Variants in IL1RAPL1 observed in about 807,000 individuals in gnomAD.
The protein encoded by IL1RAPL1 is interleukin 1 receptor accessory protein like 1.
IL1RAPL1 carries 3 observed loss-of-function variants against 48.4 expected under a neutral mutation model. The observed-to-expected ratio is 0.06, with a 90% CI of 0.03 to 0.16. The LOEUF is 0.16. IL1RAPL1 is among the 10% of genes least tolerant of loss of function. The pLI is 1.00. For synonymous variants in IL1RAPL1, 185 were observed against 187.7 expected (o/e 0.99, Z 0.12); for missense variants, 349 against 530.6 (o/e 0.66, Z 3.36).
intron 2 of IL1RAPL1, among the ~76,000 whole-genome samples, chrX:28,952,781 T>C (rs1924506035): frequency 9.0e-6 from 1 of 111,619 alleles, no homozygotes; most frequent in African/African-American, 3.2e-5. Context: ...TTTGGTGATA[T>C]TTTTAAAAGG....
chrX:29,313,597 C>T (rs899281070), intron 3 of IL1RAPL1, among the ~76,000 whole-genome samples: 1 of 111,245 alleles, frequency 9.0e-6, no homozygotes, highest in Admixed American at 9.6e-5. Context: ...TAATAAACAC[C>T]CAATAAGTGT....
chrX:29,939,861 A>ATTTTTT (rs35163237), intron 8 of IL1RAPL1, among the ~76,000 whole-genome samples: 2 of 90,030 alleles, frequency 2.2e-5, no homozygotes, highest in African/African-American at 8.6e-5. Flanking sequence ...ATGAATGAGG[A>ATTTTTT]TTTTTTTTTT....
At chrX:29,655,641 T>A (rs751693681) in intron 5 of IL1RAPL1, among the ~76,000 whole-genome samples, 1 of 72,466 alleles carries the variant, frequency 1.4e-5, no homozygotes, top group African/African-American at 6.2e-5. Context: ...CCAGCGTGGG[T>A]GACAGTCTCC....
chrX:28,705,164 A>G (rs1334390566), intron 1 of IL1RAPL1, among the ~76,000 whole-genome samples: 1 of 111,355 alleles, frequency 9.0e-6, no homozygotes, highest in African/African-American at 3.3e-5. Context: ...GAAATTGACA[A>G]ATTCAGGATA....
At chrX:29,236,694 C>A (rs1931312794) in intron 2 of IL1RAPL1, among the ~76,000 whole-genome samples, 1 of 103,786 alleles carries the variant, frequency 9.6e-6, no homozygotes, top group Non-Finnish European at 2.0e-5. Flanking sequence ...TCCCCAGTAG[C>A]TGGGACTACA....
rs772199280 is a variant in IL1RAPL1, at chrX:28,591,022, A to G, written c.-25+2975A>G. On this transcript the variant is annotated intron_variant, in intron 1 of 10. Transcript: ENST00000378993. ...ATGGCATTTTTCTTAAGTATCCTAC[A>G]CATTAGTAATAAAAAGCTTTGTCTA... 4.4e-5 allele frequency among the ~76,000 whole-genome samples: 5 copies of G among 112,475 alleles called. No individual in the cohort carries two copies. In the South Asian group the frequency reaches 1.8e-3, roughly 41 times the overall value.
At chrX:29,809,422 C>T (rs754362399) in intron 6 of IL1RAPL1, among the ~76,000 whole-genome samples, 1 of 110,654 alleles carries the variant, frequency 9.0e-6, no homozygotes, top group Non-Finnish European at 1.9e-5. Context: ...CGTTTTTATA[C>T]TTGATCTCTA....
chrX:29,829,612 A>T lies in IL1RAPL1; in HGVS notation c.779-87852A>T, dbSNP rs892961708. On this transcript the variant is annotated intron_variant, in intron 6 of 10. Transcript: ENST00000378993. ...TCCAAGTCCACCAATTTTTGGCTTT[A>T]TTAATTTGACAAGTCACTAATTATC... Among the ~76,000 whole-genome samples the T allele has an allele frequency of 6.0e-4, 67 of 111,778 alleles. 2 individuals carry two copies. The highest frequency in any genetic ancestry group is 5.8e-3 in the Admixed American group (61 of 10,498).
intron 1 of IL1RAPL1, among the ~76,000 whole-genome samples, chrX:28,616,863 A>G (rs1934226207): frequency 1.8e-5 from 2 of 112,704 alleles, no homozygotes; most frequent in African/African-American, 6.5e-5. Context: ...AAAAAAGGAG[A>G]TATCCATAAC....
At chrX:29,015,013 G>T (rs1452249391) in intron 2 of IL1RAPL1, among the ~76,000 whole-genome samples, 2 of 110,762 alleles carry the variant, frequency 1.8e-5, no homozygotes, top group African/African-American at 6.5e-5. Context: ...AACTCATGTG[G>T]GAATAGGGAG....
chrX:28,992,521 GA>G lies in IL1RAPL1; in HGVS notation c.82+203106del, dbSNP rs1213340667. Among the ~76,000 whole-genome samples the G allele has an allele frequency of 1.7e-4, 15 of 86,049 alleles. No individual in the cohort carries two copies. In the East Asian group the frequency reaches 3.2e-3, roughly 19 times the overall value. The allele number at this position is 86,049 out of a possible 115,157, so 74.7% of individuals were successfully genotyped here. ...AAAAAAGAAAAAAAAAAAAAAAGAA[GA>G]AAAAAAAAAGAAAACTGCCAAGTAT... is the stretch of plus-strand genomic sequence containing the variant. On this transcript the variant is annotated intron_variant, in intron 2 of 10. Transcript: ENST00000378993.
In IL1RAPL1 at chrX:28,649,684, CA is replaced by C. The variant is rs749442412; in HGVS notation, c.-25+61640del. Among the ~76,000 whole-genome samples, 17 of 112,225 alleles carry C rather than the reference CA, an allele frequency of 1.5e-4. No individual in the cohort carries two copies. The South Asian group carries it at 1.9e-3, about 12-fold the overall frequency. On this transcript the variant is annotated intron_variant, in intron 1 of 10. Transcript: ENST00000378993. ...AAATGCTGTATTAAGCAGTTTTATC[CA>C]AAGTCAGGGATGCCATCATAGGAAG...
intron 5 of IL1RAPL1, among the ~76,000 whole-genome samples, chrX:29,445,674 C>A (rs1934603836): frequency 8.9e-6 from 1 of 111,995 alleles, no homozygotes; most frequent in South Asian, 3.7e-4. Context: ...CACTGCCTGA[C>A]CCGTTATATG....
At chrX:29,575,448 G>C (rs1922743977) in intron 5 of IL1RAPL1, among the ~76,000 whole-genome samples, 1 of 111,435 alleles carries the variant, frequency 9.0e-6, no homozygotes, top group African/African-American at 3.3e-5. Context: ...ATGTCCAAGA[G>C]CCCAAAGGCC....
At chrX:29,268,794 T>G (rs1931995936) in intron 2 of IL1RAPL1, among the ~76,000 whole-genome samples, 1 of 112,172 alleles carries the variant, frequency 8.9e-6, no homozygotes, top group African/African-American at 3.2e-5. Flanking sequence ...ACAGGCACCT[T>G]GTAAATATCT....
intron 6 of IL1RAPL1, among the ~76,000 whole-genome samples, chrX:29,871,138 A>C (rs907630843): frequency 2.7e-5 from 3 of 111,949 alleles, no homozygotes; most frequent in Non-Finnish European, 5.6e-5. Flanking sequence ...GGCAACGTCT[A>C]ATCTCTCTGG....
At chrX:29,324,474 A>G (rs932169008) in intron 3 of IL1RAPL1, among the ~76,000 whole-genome samples, 103 of 111,663 alleles carry the variant, frequency 9.2e-4, no homozygotes, top group African/African-American at 3.0e-3. Flanking sequence ...GTCTGTCCAG[A>G]TTCTTCTTGA....
chrX:29,022,249 C>G (rs748632734), intron 2 of IL1RAPL1, among the ~76,000 whole-genome samples: 2 of 111,568 alleles, frequency 1.8e-5, no homozygotes, highest in Non-Finnish European at 3.8e-5. Flanking sequence ...CCTGTCACCA[C>G]CTCGGTGTGA....
At chrX:29,342,698 A>G (rs1048150487) in intron 3 of IL1RAPL1, among the ~76,000 whole-genome samples, 2 of 112,262 alleles carry the variant, frequency 1.8e-5, no homozygotes, top group Admixed American at 9.5e-5. Context: ...TTGCTTTTCT[A>G]ATTATTTATC....
Sources: gnomAD v4.1 joint callset for allele counts (sites outside exome capture counted in the v4.1 genomes callset) on GRCh38, gnomAD v4.1.1 for gene constraint, MANE v1.5 for transcripts, NCBI Gene and HGNC (gene_info 2026-07-23, HGNC 2026-07-21) for gene names.